BMPR1A: variants seen among roughly 807,000 people sequenced by gnomAD.
BMPR1A encodes the protein bone morphogenetic protein receptor type-1A.
In BMPR1A, 7 loss-of-function variants were observed where a neutral mutation model predicts 66.0. The observed-to-expected ratio is 0.11, with a 90% CI of 0.06 to 0.20. BMPR1A has a LOEUF of 0.20. BMPR1A is among the 10% of genes least tolerant of loss of function. The pLI, the probability that BMPR1A is intolerant of heterozygous loss-of-function variation, is 1.00. For missense variants in BMPR1A, 408 were observed against 669.1 expected, an observed-to-expected ratio of 0.61 and a Z score of 4.31; for synonymous variants, 200 against 229.7, an observed-to-expected ratio of 0.87 and a Z score of 1.17.
intron 5 of BMPR1A, among the ~76,000 whole-genome samples, chr10:86,892,690 A>G (rs967378533): frequency 1.3e-5 from 2 of 152,014 alleles, no homozygotes; most frequent in African/African-American, 4.8e-5. Flanking sequence ...CGGCCCGCAA[A>G]GTGCTGGGAT....
chr10:86,920,857 T>C (rs1843651738), intron 10 of BMPR1A, among the ~76,000 whole-genome samples: 1 of 93,476 alleles, frequency 1.1e-5, no homozygotes, highest in Non-Finnish European at 2.1e-5. Flanking sequence ...TTTTCTTTTC[T>C]TTTTTTTTTT....
chr10:86,869,223 G>A (rs984824387), intron 2 of BMPR1A, among the ~76,000 whole-genome samples: 8 of 152,248 alleles, frequency 5.3e-5, no homozygotes, highest in South Asian at 2.1e-4. Context: ...TTGAGAGGCC[G>A]AGGTGGACAG....
chr10:86,760,215 C>CTT (rs1841023228), intron 1 of BMPR1A, among the ~76,000 whole-genome samples: 1 of 74,178 alleles, frequency 1.3e-5, no homozygotes, highest in Non-Finnish European at 2.7e-5. Flanking sequence ...TTTTTAATAC[C>CTT]TTATTGTTTT....
chr10:86,793,104 A>ACC (rs1178182645), intron 1 of BMPR1A, among the ~76,000 whole-genome samples: 3 of 58,416 alleles, frequency 5.1e-5, no homozygotes, highest in South Asian at 1.6e-3. Flanking sequence ...ACCCCCCCCC[A>ACC]CCCCCCGCCA....
intron 3 of BMPR1A, among the ~76,000 whole-genome samples, chr10:86,889,292 G>A (rs1376550059): frequency 6.6e-6 from 1 of 152,162 alleles, no homozygotes; most frequent in African/African-American, 2.4e-5. Flanking sequence ...AGCATCGTCT[G>A]CATTCAAACC....
downstream of BMPR1A, chr10:86,928,616 T>C (rs1470927343): frequency 1.3e-5 from 2 of 152,174 alleles, no homozygotes; most frequent in Admixed American, 6.6e-5. Flanking sequence ...CACTCAAAAT[T>C]CTATTGCCAG....
downstream of BMPR1A, chr10:86,930,116 T>A (rs1670272520): frequency 6.6e-6 from 1 of 152,254 alleles, no homozygotes; most frequent in African/African-American, 2.4e-5. Context: ...GCGGCACTGC[T>A]GCAGGCATGG....
intron 1 of BMPR1A, among the ~76,000 whole-genome samples, chr10:86,813,212 AG>A (rs1841993669): frequency 6.6e-6 from 1 of 152,194 alleles, no homozygotes; most frequent in African/African-American, 2.4e-5. Context: ...TTTTTGGCCA[AG>A]GGCAGCCTCT....
At chr10:86,931,313 A>ATATATATATATT (rs368438719), downstream of BMPR1A, 69 of 133,056 alleles carry the variant, frequency 5.2e-4, 2 homozygotes, top group South Asian at 4.7e-3. Flanking sequence ...ATATATATAT[A>ATATATATATATT]TTCAAGCAAT....
At chr10:86,878,381 T>A (rs1842946098) in intron 3 of BMPR1A, among the ~76,000 whole-genome samples, 1 of 152,244 alleles carries the variant, frequency 6.6e-6, no homozygotes, top group South Asian at 2.1e-4. Flanking sequence ...TGATAGATAC[T>A]TAGTTCTTAT....
At chr10:86,905,605 CT>C (rs970556675) in intron 7 of BMPR1A, among the ~76,000 whole-genome samples, 15 of 152,012 alleles carry the variant, frequency 9.9e-5, no homozygotes, top group African/African-American at 3.6e-4. Flanking sequence ...ACAGTGGATA[CT>C]TACTCACTCT....
chr10:86,785,335 C>T (rs1415311357), intron 1 of BMPR1A, among the ~76,000 whole-genome samples: 3 of 152,050 alleles, frequency 2.0e-5, no homozygotes, highest in Non-Finnish European at 4.4e-5. Flanking sequence ...ATGGAGTTTC[C>T]GCTCTTGTTG....
chr10:86,832,454 GA>G (rs1842283493), intron 1 of BMPR1A, among the ~76,000 whole-genome samples: 1 of 141,194 alleles, frequency 7.1e-6, no homozygotes. Context: ...CGACAAGAGC[GA>G]AACTCCGTCT....
At chr10:86,779,434 GTTTGCCCA>G (rs775098920) in intron 1 of BMPR1A, among the ~76,000 whole-genome samples, 1 of 151,838 alleles carries the variant, frequency 6.6e-6, no homozygotes, top group African/African-American at 2.4e-5. Context: ...CTTTTTCCCC[GTTTGCCCA>G]TTTGCCCATT....
intron 1 of BMPR1A, among the ~76,000 whole-genome samples, chr10:86,822,315 A>G (rs2133015554): frequency 6.6e-6 from 1 of 152,294 alleles, no homozygotes; most frequent in Middle Eastern, 3.4e-3. Context: ...AGGACCCTGT[A>G]TCCTGATTTT....
rs1213717588 is a variant in BMPR1A, at chr10:86,927,049, C to T, written c.*3330C>T. ...ATTTTTACATTGCCTTTCCAGTGTC[C>T]AGAAGTGTTTCTAAACTTAGAAAGT... is the stretch of plus-strand genomic sequence containing the variant. On this transcript the variant is annotated 3_prime_UTR_variant, in exon 13 of 13. Transcript: ENST00000372037. The T allele has an allele frequency of 5.4e-6, 1 of 186,832 alleles. No individual in the cohort carries two copies. Among genetic ancestry groups the T allele is most frequent in the Non-Finnish European group, 1.1e-5 (1 of 88,688 alleles). The allele number at this position is 186,832 out of a possible 1,614,324, so 11.6% of individuals were successfully genotyped here. A position where few individuals can be genotyped will look rare whatever the true frequency, so the allele number is the denominator to read the frequency against.
intron 3 of BMPR1A, chr10:86,889,721 A>G (rs1197220107): frequency 3.8e-6 from 1 of 263,794 alleles, no homozygotes; most frequent in Non-Finnish European, 7.3e-6. Flanking sequence ...GACTGCGTTC[A>G]TGCTTTTCCC....
At chr10:86,808,450 T>C (rs1841922211) in intron 1 of BMPR1A, among the ~76,000 whole-genome samples, 1 of 152,234 alleles carries the variant, frequency 6.6e-6, no homozygotes, top group Non-Finnish European at 1.5e-5. Context: ...TTTAATTTGC[T>C]CTTTGTTTTC....
intron 1 of BMPR1A, among the ~76,000 whole-genome samples, chr10:86,773,134 T>G (rs1362481600): frequency 6.6e-6 from 1 of 151,810 alleles, no homozygotes; most frequent in East Asian, 1.9e-4. Flanking sequence ...TTATCTTTTT[T>G]TTTTTTTTTT....
Sources: allele counts gnomAD v4.1 joint callset (sites outside exome capture counted in the v4.1 genomes callset), GRCh38; gene constraint gnomAD v4.1.1; transcripts MANE v1.5; gene names NCBI Gene and HGNC (gene_info 2026-07-23, HGNC 2026-07-21).